Variants in GRM7 observed in about 807,000 individuals in gnomAD.
The protein encoded by GRM7 is glutamate metabotropic receptor 7, also known as metabotropic glutamate receptor 7.
Under a neutral mutation model 84.5 loss-of-function variants are expected in GRM7, and 35 were observed. The observed-to-expected ratio is 0.41, with a 90% CI of 0.32 to 0.55. The LOEUF is 0.55. GRM7 is among the 20% of genes least tolerant of loss of function. GRM7 has a pLI of 0.19. For missense variants in GRM7, 1,003 were observed against 1,194.6 expected (o/e 0.84, Z 2.36); for synonymous variants, 487 against 455.1 (o/e 1.07, Z -0.89).
chr3:7,726,059 C>T (rs1575673314), intron 9 of GRM7, among the ~76,000 whole-genome samples: 1 of 151,980 alleles, frequency 6.6e-6, no homozygotes, highest in African/African-American at 2.4e-5. Context: ...GCTATTTTCC[C>T]AAAAGCCTGG....
chr3:7,333,696 C>G (rs1374923368), intron 4 of GRM7, among the ~76,000 whole-genome samples: 2 of 94,838 alleles, frequency 2.1e-5, no homozygotes, highest in Non-Finnish European at 3.8e-5. Context: ...TGAAAACCAA[C>G]ATAAAGAAAT....
intron 8 of GRM7, among the ~76,000 whole-genome samples, chr3:7,647,677 C>T (rs892872816): frequency 6.6e-6 from 1 of 152,014 alleles, no homozygotes; most frequent in South Asian, 2.1e-4. Context: ...AGGTGACTAG[C>T]GATGGTGGCA....
At chr3:6,893,379 G>C (rs114246623) in intron 1 of GRM7, among the ~76,000 whole-genome samples, 1 of 152,100 alleles carries the variant, frequency 6.6e-6, no homozygotes, top group Non-Finnish European at 1.5e-5. Flanking sequence ...CATATATTGC[G>C]TTACTCTCAT....
intron 1 of GRM7, among the ~76,000 whole-genome samples, chr3:7,001,324 TG>T (rs1313521371): frequency 2.0e-5 from 3 of 152,132 alleles, no homozygotes; most frequent in African/African-American, 7.2e-5. Flanking sequence ...CACTCCAACC[TG>T]GGTGACAGAG....
chr3:6,903,168 A>G (rs1472169757), intron 1 of GRM7, among the ~76,000 whole-genome samples: 1 of 151,118 alleles, frequency 6.6e-6, no homozygotes, highest in Non-Finnish European at 1.5e-5. Context: ...CCCTATCAAC[A>G]ATGTATATGA....
intron 8 of GRM7, among the ~76,000 whole-genome samples, chr3:7,635,933 C>T (rs1470950817): frequency 1.3e-5 from 2 of 152,162 alleles, no homozygotes; most frequent in East Asian, 3.9e-4. Flanking sequence ...GCCTCAGCCT[C>T]CAAAAGAACT....
chr3:7,665,414 A>T (rs1383813016), intron 8 of GRM7, among the ~76,000 whole-genome samples: 1 of 151,816 alleles, frequency 6.6e-6, no homozygotes, highest in East Asian at 1.9e-4. Flanking sequence ...TGACCTCGTG[A>T]TCCACCCGCC....
chr3:6,987,100 T>C (rs1428869400), intron 1 of GRM7, among the ~76,000 whole-genome samples: 1 of 152,208 alleles, frequency 6.6e-6, no homozygotes, highest in Non-Finnish European at 1.5e-5. Flanking sequence ...CGTTTCCTTC[T>C]AATCCCCTTC....
chr3:7,542,043 T>C (rs558048121), intron 7 of GRM7, among the ~76,000 whole-genome samples: 13 of 152,292 alleles, frequency 8.5e-5, no homozygotes, highest in Admixed American at 2.6e-4. Flanking sequence ...TGTGTGTCTG[T>C]CTCTTTGTCT....
intron 1 of GRM7, among the ~76,000 whole-genome samples, chr3:6,908,470 G>A (rs959729582): frequency 5.4e-4 from 82 of 152,054 alleles, no homozygotes; most frequent in African/African-American, 2.0e-3. Flanking sequence ...CCCTCATTTC[G>A]CAGATGAAAA....
At chr3:6,897,107 C>G (rs1027103396) in intron 1 of GRM7, among the ~76,000 whole-genome samples, 1 of 152,210 alleles carries the variant, frequency 6.6e-6, no homozygotes, top group African/African-American at 2.4e-5. Context: ...TTATTGCCAA[C>G]ATATAGACAA....
At chr3:7,201,064 G>C (rs952895827) in intron 2 of GRM7, among the ~76,000 whole-genome samples, 1 of 146,448 alleles carries the variant, frequency 6.8e-6, no homozygotes, top group Non-Finnish European at 1.5e-5. Flanking sequence ...CTGCCTCCTG[G>C]GTTCATGCCA....
At chr3:7,069,922 T>C (rs1697799906) in intron 1 of GRM7, among the ~76,000 whole-genome samples, 1 of 152,124 alleles carries the variant, frequency 6.6e-6, no homozygotes, top group Non-Finnish European at 1.5e-5. Context: ...TGATTCACTT[T>C]CCATAGAGTT....
chr3:7,187,254 C>G (rs114509321), intron 2 of GRM7, among the ~76,000 whole-genome samples: 255 of 152,196 alleles, frequency 1.7e-3, no homozygotes, highest in African/African-American at 5.7e-3. Context: ...TAGCTCGCAA[C>G]AAGATGTGCC....
chr3:6,954,253 T>G (rs2125073141), intron 1 of GRM7, among the ~76,000 whole-genome samples: 1 of 152,312 alleles, frequency 6.6e-6, no homozygotes, highest in African/African-American at 2.4e-5. Context: ...CTTCTAGCTA[T>G]TTTGAAAGAT....
chr3:7,104,293 C>T (rs1699227372), intron 1 of GRM7, among the ~76,000 whole-genome samples: 1 of 151,640 alleles, frequency 6.6e-6, no homozygotes, highest in Non-Finnish European at 1.5e-5. Context: ...TTGACCTCTG[C>T]ACACCAAGCA....
At chr3:7,411,950 CTCTCTCT>C (rs993215395) in intron 4 of GRM7, among the ~76,000 whole-genome samples, 23 of 151,850 alleles carry the variant, frequency 1.5e-4, no homozygotes, top group Non-Finnish European at 2.2e-4. Context: ...TAATCAATGC[CTCTCTCT>C]TCTCTCTTCT....
chr3:7,348,719 C>G (rs1317068411), intron 4 of GRM7, among the ~76,000 whole-genome samples: 1 of 152,056 alleles, frequency 6.6e-6, no homozygotes, highest in Non-Finnish European at 1.5e-5. Context: ...ATCAGAGATG[C>G]AAATTATGAG....
At chr3:6,892,316 C>T (rs775165732) in intron 1 of GRM7, among the ~76,000 whole-genome samples, 2 of 152,084 alleles carry the variant, frequency 1.3e-5, no homozygotes, top group Admixed American at 6.6e-5. Context: ...GTCAGCATCC[C>T]GTATCCTGCT....
Sources: gnomAD v4.1 joint callset for allele counts (sites outside exome capture counted in the v4.1 genomes callset) on GRCh38, gnomAD v4.1.1 for gene constraint, MANE v1.5 for transcripts, NCBI Gene and HGNC (gene_info 2026-07-23, HGNC 2026-07-21) for gene names.